Variants in DCLK2 observed in about 807,000 individuals in gnomAD.
DCLK2 encodes serine/threonine-protein kinase DCLK2.
In DCLK2, 31 loss-of-function variants were observed where a neutral mutation model predicts 78.4. The ratio of observed to expected loss-of-function variants is 0.40; its 90% CI spans 0.30 to 0.53. DCLK2 has a LOEUF of 0.53. Ranked by LOEUF, DCLK2 falls within the 20% of genes least tolerant of loss-of-function variation. The pLI is 0.61. For synonymous variants in DCLK2, 407 were observed against 374.9 expected (o/e 1.09, Z -0.99); for missense variants, 872 against 973.7 (o/e 0.90, Z 1.39).
rs1243647720 is a variant in DCLK2 at position 150,081,211 on chromosome 4, CA to C, written c.421+1764del. 5.3e-5 allele frequency among the ~76,000 whole-genome samples: 8 copies of C among 152,272 alleles called. No homozygotes were observed. The South Asian group carries it at 1.7e-3, about 32-fold the overall frequency. ...ATATCCTTCTCTAAAGAAATTTTAA[CA>C]GTGGATTTACTACATAAAATTGACA... On this transcript the variant is annotated intron_variant, in intron 1 of 15. Transcript: ENST00000296550.
chr4:150,221,170 C>G (rs1741159078), intron 6 of DCLK2, among the ~76,000 whole-genome samples: 2 of 152,106 alleles, frequency 1.3e-5, no homozygotes, highest in South Asian at 2.1e-4. Context: ...CCCCACATAC[C>G]TTTTTGAGAA....
At chr4:150,093,513 C>G (rs1434342626) in intron 1 of DCLK2, among the ~76,000 whole-genome samples, 1 of 152,206 alleles carries the variant, frequency 6.6e-6, no homozygotes, top group Admixed American at 6.5e-5. Context: ...TCACGAGTAG[C>G]TGGAATTACA....
At chr4:150,140,470 G>C (rs995722812) in intron 2 of DCLK2, among the ~76,000 whole-genome samples, 1 of 152,160 alleles carries the variant, frequency 6.6e-6, no homozygotes, top group South Asian at 2.1e-4. Context: ...CAATGGTGAC[G>C]CTGTGTGTGG....
intron 2 of DCLK2, among the ~76,000 whole-genome samples, chr4:150,188,500 G>T (rs566962854): frequency 6.6e-6 from 1 of 152,156 alleles, no homozygotes; most frequent in South Asian, 2.1e-4. Flanking sequence ...TAACCAAATA[G>T]GCATTCAGTG....
intron 2 of DCLK2, among the ~76,000 whole-genome samples, chr4:150,181,105 A>G (rs900801240): frequency 2.0e-5 from 3 of 152,194 alleles, no homozygotes; most frequent in Non-Finnish European, 2.9e-5. Flanking sequence ...ACCTAAGCAT[A>G]CAAGTGGATA....
intron 2 of DCLK2, among the ~76,000 whole-genome samples, chr4:150,164,849 C>A (rs1303270516): frequency 6.6e-6 from 1 of 152,184 alleles, no homozygotes; most frequent in Admixed American, 6.5e-5. Context: ...TTAACCATAA[C>A]ATATCTCCTG....
chr4:150,109,241 A>G (rs895951178), intron 2 of DCLK2, among the ~76,000 whole-genome samples: 2 of 152,244 alleles, frequency 1.3e-5, no homozygotes, highest in South Asian at 4.1e-4. Flanking sequence ...AACATTTTCT[A>G]CAATTTATTT....
chr4:150,256,151 C>T lies in DCLK2; in HGVS notation c.2205C>T (p.Val735=), dbSNP rs771136595. ...AGATCCCTGTGCCTGGGGAAGCAGT[C>T]CCGGCCCCCACCCCTCCGGAATCTC... is the stretch of plus-strand genomic sequence containing the variant. ...VEEIPVPGEA[V]PAPTPPESPT... is the part of the protein sequence containing the mutation. Residue 735 remains valine (V), a synonymous_variant, in exon 16 of 16, where the codon GTC becomes GTT. Transcript: ENST00000296550. 6.3e-7 allele frequency: 1 copy of T among 1,598,242 alleles called. No homozygotes were observed. Among genetic ancestry groups the T allele is most frequent in the East Asian group, 2.3e-5 (1 of 43,070 alleles).
At chr4:150,252,618 G>A (rs567842344) in intron 15 of DCLK2, among the ~76,000 whole-genome samples, 65 of 152,294 alleles carry the variant, frequency 4.3e-4, no homozygotes, top group Admixed American at 3.1e-3. Flanking sequence ...AACCTATGTC[G>A]TGTGGTTTAC....
intron 2 of DCLK2, among the ~76,000 whole-genome samples, chr4:150,115,408 G>A (rs896067578): frequency 6.6e-6 from 1 of 152,074 alleles, no homozygotes; most frequent in Non-Finnish European, 1.5e-5. Flanking sequence ...TGAAGAGCTA[G>A]TGTGATCTTT....
rs556519129 is a variant in DCLK2 at position 150,169,104 on chromosome 4, C to T, written c.757-24034C>T. Reference sequence around the variant, plus strand: ...TGGTTAGATTTCACACATCTTTGTTCTTCCTTTCTTAGCTTAAGGCACAGT... The same window carrying T: ...TGGTTAGATTTCACACATCTTTGTTTTTCCTTTCTTAGCTTAAGGCACAGT... On this transcript the variant is annotated intron_variant, in intron 2 of 15. Coordinates refer to ENST00000296550, the MANE Select transcript of DCLK2 (RefSeq NM_001040260.4). 2.0e-5 allele frequency among the ~76,000 whole-genome samples: 3 copies of T among 148,560 alleles called. No individual in the cohort carries two copies. The South Asian group carries it at 6.6e-4, about 33-fold the overall frequency.
chr4:150,185,279 G>A (rs1323909665), intron 2 of DCLK2, among the ~76,000 whole-genome samples: 1 of 152,160 alleles, frequency 6.6e-6, no homozygotes, highest in East Asian at 1.9e-4. Context: ...CCTATCACAA[G>A]AAGAGCACAG....
At position 150,192,515 on chromosome 4, in the gene DCLK2, A is replaced by G. The variant is rs188852555; in HGVS notation, c.757-623A>G. ...AAAAAACAAGTGAAATTGAGACCAC[A>G]TATTTAGATATAGGGCATTAGAAGA... On this transcript the variant is annotated intron_variant, in intron 2 of 15. Coordinates refer to ENST00000296550, the MANE Select transcript of DCLK2 (RefSeq NM_001040260.4). Among the ~76,000 whole-genome samples, 11 of 150,138 alleles carry G rather than the reference A, an allele frequency of 7.3e-5. No individual in the cohort carries two copies. The East Asian group carries it at 2.2e-3, about 29-fold the overall frequency.
chr4:150,234,881 C>T (rs763519940), intron 10 of DCLK2, among the ~76,000 whole-genome samples: 1 of 152,154 alleles, frequency 6.6e-6, no homozygotes, highest in African/African-American at 2.4e-5. Context: ...ACAGGCTTCT[C>T]GCCCATTGGG....
At chr4:150,150,283 A>C (rs2150227741) in intron 2 of DCLK2, among the ~76,000 whole-genome samples, 1 of 152,302 alleles carries the variant, frequency 6.6e-6, no homozygotes, top group African/African-American at 2.4e-5. Context: ...CAGAAGCTGA[A>C]GTTTCAGACC....
At chr4:150,255,125 G>T (rs928810147) in intron 15 of DCLK2, among the ~76,000 whole-genome samples, 3 of 152,082 alleles carry the variant, frequency 2.0e-5, no homozygotes, top group Non-Finnish European at 4.4e-5. Flanking sequence ...GACTTTTTTT[G>T]TTGTTGTTAA....
intron 2 of DCLK2, among the ~76,000 whole-genome samples, chr4:150,132,641 G>C (rs1338159276): frequency 6.6e-6 from 1 of 152,192 alleles, no homozygotes; most frequent in Non-Finnish European, 1.5e-5. Context: ...CTTGGGTGCA[G>C]TGTCACCATC....
chr4:150,098,069 T>A (rs895352644), intron 1 of DCLK2, among the ~76,000 whole-genome samples: 2 of 152,094 alleles, frequency 1.3e-5, no homozygotes, highest in Non-Finnish European at 2.9e-5. Context: ...TATCATAGCA[T>A]TTGGGCTCTG....
intron 1 of DCLK2, among the ~76,000 whole-genome samples, chr4:150,087,804 A>G (rs906842817): frequency 6.6e-6 from 1 of 152,214 alleles, no homozygotes; most frequent in Admixed American, 6.5e-5. Context: ...GGTAGGTCAA[A>G]TCATTTCTTT....
Sources: gnomAD v4.1 joint callset for allele counts (sites outside exome capture counted in the v4.1 genomes callset) on GRCh38, gnomAD v4.1.1 for gene constraint, MANE v1.5 for transcripts, NCBI Gene and HGNC (gene_info 2026-07-23, HGNC 2026-07-21) for gene names.